Variants in HPD observed in about 807,000 individuals in gnomAD.
The protein encoded by HPD is 4-hydroxyphenylpyruvate dioxygenase, also known as 4-hydroxyphenylpyruvic acid oxidase.
Under a neutral mutation model 56.9 loss-of-function variants are expected in HPD, and 35 were observed. The observed-to-expected ratio is 0.62, with a 90% confidence interval of 0.47 to 0.82. The LOEUF is 0.82. Among genes scored for constraint, HPD ranks in the 40% least tolerant of loss-of-function variants. The probability of loss-of-function intolerance (pLI) is 0.00; values close to 1 mark genes in which losing one functional copy is unlikely to be tolerated. For synonymous variants in HPD, 186 were observed against 200.2 expected (o/e 0.93, Z 0.60); for missense variants, 442 against 506.8 (o/e 0.87, Z 1.23).
chr12:121,875,536 C>T, the HPD span, among the ~76,000 whole-genome samples: 2 of 151,864 alleles, frequency 1.3e-5, no homozygotes, highest in African/African-American at 4.8e-5. Flanking sequence ...AGCAATCCTC[C>T]TACCTCAGCC....
At chr12:121,842,829 C>A (rs938925387) in intron 12 of HPD, among the ~76,000 whole-genome samples, 11 of 147,274 alleles carry the variant, frequency 7.5e-5, no homozygotes, top group African/African-American at 2.5e-4. Context: ...CTCACTGCAA[C>A]CTCCGCCTCC....
chr12:121,857,667 CCAATCACAGACCCTGCTGG>C, intron 3 of HPD, 71 bp downstream of exon 3: 1 of 1,141,974 alleles, frequency 8.8e-7, no homozygotes, highest in Non-Finnish European at 1.3e-6. Flanking sequence ...CTCCCAAGGG[CCAATCACAGACCCTGCTGG>C]AGGCCTGCCC....
the HPD span, among the ~76,000 whole-genome samples, chr12:121,878,839 AT>A: frequency 7.8e-4 from 115 of 146,712 alleles, no homozygotes; most frequent in African/African-American, 2.6e-3. Flanking sequence ...ACACCAGGCT[AT>A]TTTTTTTTCC....
chr12:121,881,258 C>G, the HPD span, among the ~76,000 whole-genome samples: 1 of 152,176 alleles, frequency 6.6e-6, no homozygotes, highest in Non-Finnish European at 1.5e-5. Context: ...CTGCATCTTA[C>G]TTTTCCAAAT....
chr12:121,841,700 C>T (rs1465661519), intron 12 of HPD, among the ~76,000 whole-genome samples: 5 of 148,584 alleles, frequency 3.4e-5, no homozygotes, highest in African/African-American at 9.9e-5. Context: ...TTTTTTTTTT[C>T]CGAGATGGAG....
chr12:121,840,498 C>T (rs1401077515), intron 12 of HPD, among the ~76,000 whole-genome samples: 3 of 151,974 alleles, frequency 2.0e-5, no homozygotes, highest in African/African-American at 7.3e-5. Flanking sequence ...CGGGGTTTCA[C>T]GATATTGGTC....
chr12:121,886,556 T>G, the HPD span, among the ~76,000 whole-genome samples: 1 of 152,068 alleles, frequency 6.6e-6, no homozygotes, highest in African/African-American at 2.4e-5. Flanking sequence ...ACTCTTCACG[T>G]GGATTTGCTA....
chr12:121,884,917 C>T, the HPD span, among the ~76,000 whole-genome samples: 1 of 152,094 alleles, frequency 6.6e-6, no homozygotes, highest in African/African-American at 2.4e-5. Flanking sequence ...GAGACGGAGT[C>T]TCACTATATG....
chr12:121,841,337 C>G (rs1354593093), intron 12 of HPD, among the ~76,000 whole-genome samples: 1 of 152,072 alleles, frequency 6.6e-6, no homozygotes, highest in African/African-American at 2.4e-5. Context: ...ACCACTGCAC[C>G]CCAGCCTGGG....
At chr12:121,872,027 T>C in the HPD span, among the ~76,000 whole-genome samples, 3 of 148,520 alleles carry the variant, frequency 2.0e-5, no homozygotes, top group African/African-American at 7.4e-5. Flanking sequence ...GGTCAGGAGT[T>C]CAAGACCAGC....
chr12:121,858,101 A>T (rs1336653252), intron 2 of HPD, among the ~76,000 whole-genome samples: 4 of 152,222 alleles, frequency 2.6e-5, no homozygotes, highest in Non-Finnish European at 4.4e-5. Flanking sequence ...GTTAGACCTT[A>T]GAAAGAACTT....
the HPD span, among the ~76,000 whole-genome samples, chr12:121,887,768 G>A: frequency 6.6e-6 from 1 of 152,078 alleles, no homozygotes; most frequent in Non-Finnish European, 1.5e-5. Context: ...TTCCCCATGT[G>A]TATTTCACAA....
chr12:121,883,180 T>TTGTA, the HPD span, among the ~76,000 whole-genome samples: 1 of 115,374 alleles, frequency 8.7e-6, no homozygotes, highest in Non-Finnish European at 1.8e-5. Context: ...GGAGCATAAG[T>TTGTA]TGTGTGTGTG....
intron 11 of HPD, among the ~76,000 whole-genome samples, chr12:121,844,153 G>A (rs998393539): frequency 2.0e-5 from 3 of 151,996 alleles, no homozygotes; most frequent in Admixed American, 6.6e-5. Flanking sequence ...CGGTTCAAGC[G>A]ATTCTCCTGC....
intron 7 of HPD, among the ~76,000 whole-genome samples, chr12:121,853,851 C>T: frequency 6.6e-6 from 1 of 151,360 alleles, no homozygotes; most frequent in Admixed American, 6.6e-5. Flanking sequence ...ACAGAAGAAT[C>T]ACTTGAGCCC....
intron 12 of HPD, among the ~76,000 whole-genome samples, chr12:121,841,927 C>T (rs1439322694): frequency 6.6e-6 from 1 of 152,120 alleles, no homozygotes; most frequent in Non-Finnish European, 1.5e-5. Flanking sequence ...TCATGATCCG[C>T]CCACCTCAGC....
intron 7 of HPD, among the ~76,000 whole-genome samples, chr12:121,853,952 A>T (rs1162374898): frequency 7.6e-6 from 1 of 132,438 alleles, no homozygotes; most frequent in Non-Finnish European, 1.6e-5. Flanking sequence ...AAAAAAGAAT[A>T]AAAAAAAAAG....
At position 121,849,027 on chromosome 12, in the gene HPD, C is replaced by G. The variant is rs1325909381; in HGVS notation, c.568G>C (p.Asp190His). The change falls in exon 9 of 14, where the codon GAT becomes CAT. Residue 190 changes from aspartate (D) to histidine (H), a missense_variant. By Grantham distance (81) the Asp-to-His change is moderately conservative. Coordinates refer to ENST00000289004, the MANE Select transcript of HPD (RefSeq NM_002150.3). ...MIDHIVGNQPDQEMVSASEWY... is the reference protein window; with the variant it reads ...MIDHIVGNQPHQEMVSASEWY... Reference sequence around the variant, plus strand: ...TCGGAGGCGGACACCATCTCCTGATCAGGCTGGTTTCCCACAATGTGGTCG... The same window carrying G: ...TCGGAGGCGGACACCATCTCCTGATGAGGCTGGTTTCCCACAATGTGGTCG... 2 of 1,613,776 alleles carry G rather than the reference C, an allele frequency of 1.2e-6. No homozygotes were observed. The highest frequency in any genetic ancestry group is 1.7e-6 in the Non-Finnish European group (2 of 1,179,926).
At chr12:121,848,881 C>A in intron 9 of HPD, 118 bp downstream of exon 9, 1 of 835,494 alleles carries the variant, frequency 1.2e-6, no homozygotes, top group Non-Finnish European at 2.1e-6. Flanking sequence ...GCTGGGATTA[C>A]GGGTGTGAGC....
Sources: allele counts gnomAD v4.1 joint callset (sites outside exome capture counted in the v4.1 genomes callset), GRCh38; gene constraint gnomAD v4.1.1; transcripts MANE v1.5; gene names NCBI Gene and HGNC (gene_info 2026-07-23, HGNC 2026-07-21).